The following FAM135A variants were observed in gnomAD, a reference collection of about 807,000 sequenced individuals.
FAM135A encodes the protein protein FAM135A.
Under a neutral mutation model 146.8 loss-of-function variants are expected in FAM135A, and 79 were observed. The observed-to-expected ratio is 0.54, with a 90% confidence interval of 0.45 to 0.65. The LOEUF (loss-of-function observed/expected upper bound fraction) is 0.65. Among genes scored for constraint, FAM135A ranks in the 30% least tolerant of loss-of-function variants. The pLI is 0.00. For synonymous variants in FAM135A, 562 were observed against 603.6 expected (o/e 0.93, Z 1.01); for missense variants, 1,623 against 1,758.2 (o/e 0.92, Z 1.38).
In FAM135A at chr6:70,525,729, GTGA is replaced by G; in HGVS notation, c.2650_2652del (p.Asp884del). 2 of 1,613,258 alleles carry G rather than the reference GTGA, an allele frequency of 1.2e-6. No homozygotes were observed. Among genetic ancestry groups the G allele is most frequent in the Non-Finnish European group, 1.7e-6 (2 of 1,179,620 alleles). ...CTAGGAACGACTGATTTGCCAAAATGTGATGATACTAAAAAGTCAAGTATCACT... is the reference window on the plus strand; with the variant it reads ...CTAGGAACGACTGATTTGCCAAAATGTGATACTAAAAAGTCAAGTATCACT... On this transcript the variant is annotated inframe_deletion, in exon 15 of 22. Coordinates refer to ENST00000418814, the MANE Select transcript of FAM135A (RefSeq NM_001162529.3).
intron 17 of FAM135A, 145 bp downstream of exon 17, chr6:70,533,396 A>AAT (rs1161218576): frequency 1.6e-6 from 1 of 607,198 alleles, no homozygotes; most frequent in Admixed American, 3.3e-5. Context: ...ATCCAAAGGA[A>AAT]ATATATATGA....
chr6:70,521,570 C>T (rs959647513), intron 12 of FAM135A, among the ~76,000 whole-genome samples: 4 of 152,042 alleles, frequency 2.6e-5, no homozygotes, highest in African/African-American at 4.8e-5. Flanking sequence ...TTCACCTGGC[C>T]GGATATTGAT....
chr6:70,553,558 T>C (rs895484702), intron 20 of FAM135A, among the ~76,000 whole-genome samples: 3 of 152,154 alleles, frequency 2.0e-5, no homozygotes, highest in Admixed American at 6.5e-5. Context: ...CTTTCTAATA[T>C]AAAAATTTAA....
At position 70,489,431 on chromosome 6, in the gene FAM135A, G is replaced by A. The variant is rs2128212253; in HGVS notation, c.824-1603G>A. Among the ~76,000 whole-genome samples the A allele has an allele frequency of 1.3e-5, 2 of 152,256 alleles. 1 individual carries two copies. The highest frequency in any genetic ancestry group is 4.1e-4 in the South Asian group (2 of 4,820). The stretch of plus-strand genomic sequence containing the variant: ...ATATTTTGTGAGTTATGAAATACAT[G>A]TGTTCCATTGATTTTTAGTTAACAA... On this transcript the variant is annotated intron_variant, in intron 10 of 21. Coordinates refer to ENST00000418814, the MANE Select transcript of FAM135A (RefSeq NM_001162529.3).
intron 12 of FAM135A, among the ~76,000 whole-genome samples, chr6:70,512,033 C>T (rs1791106728): frequency 6.6e-6 from 1 of 151,954 alleles, no homozygotes; most frequent in Non-Finnish European, 1.5e-5. Context: ...ACTGAATTAT[C>T]ATTATAACAT....
intron 2 of FAM135A, among the ~76,000 whole-genome samples, chr6:70,418,218 A>G (rs914439858): frequency 1.3e-5 from 2 of 152,216 alleles, no homozygotes; most frequent in Admixed American, 6.5e-5. Flanking sequence ...TGTTTGTGAT[A>G]AAAGTTGTAT....
intron 11 of FAM135A, among the ~76,000 whole-genome samples, chr6:70,499,370 T>A (rs1017992106): frequency 1.9e-4 from 29 of 152,228 alleles, no homozygotes; most frequent in African/African-American, 6.8e-4. Context: ...TGAGCCTATA[T>A]GTGTCTTTGC....
chr6:70,457,658 T>C lies in FAM135A; in HGVS notation c.157+5087T>C, dbSNP rs963027575. On this transcript the variant is annotated intron_variant, in intron 5 of 21. Coordinates refer to ENST00000418814, the MANE Select transcript of FAM135A (RefSeq NM_001162529.3). ...ACAACCCTATTTGAACCAAGTTCCT[T>C]GATCACTATTCTTCATCAACTAAAT... 3.3e-5 allele frequency among the ~76,000 whole-genome samples: 5 copies of C among 152,220 alleles called. No homozygotes were observed. The East Asian group carries it at 9.6e-4, about 29-fold the overall frequency.
intron 8 of FAM135A, among the ~76,000 whole-genome samples, chr6:70,480,150 G>T (rs937099246): frequency 6.6e-6 from 1 of 152,098 alleles, no homozygotes; most frequent in African/African-American, 2.4e-5. Context: ...CAGTTTAACA[G>T]AAATATGCTT....
At chr6:70,536,608 A>G (rs1582826556) in intron 19 of FAM135A, among the ~76,000 whole-genome samples, 197 bp downstream of exon 19, 2 of 152,280 alleles carry the variant, frequency 1.3e-5, no homozygotes, top group South Asian at 4.1e-4. Context: ...GGCTTTTCTT[A>G]TATTGAGATG....
At chr6:70,443,003 C>T (rs533634802) in intron 4 of FAM135A, among the ~76,000 whole-genome samples, 3 of 152,342 alleles carry the variant, frequency 2.0e-5, no homozygotes, top group African/African-American at 7.2e-5. Context: ...ATTAATACTA[C>T]AATCTGCATA....
Position 70,491,043 on chromosome 6 carries a change from A to T in FAM135A, c.833A>T (p.Asp278Val). The change falls in exon 11 of 22, where the codon GAT (aspartate) becomes GTT (valine). Residue 278 changes from aspartate to valine, a missense_variant. Asp to Val is a radical substitution (Grantham distance 152). Around this residue, in one of 7 missense-constraint regions of FAM135A, gnomAD observed 206 missense variants for 194.7 expected, o/e 1.06. Coordinates refer to ENST00000418814, the MANE Select transcript of FAM135A (RefSeq NM_001162529.3). ...SCQKLELEEMDVEARLTELCE... is the reference protein window; with the variant it reads ...SCQKLELEEMVVEARLTELCE... ...TCTTTACTCCTTCCAGAGGAAATGG[A>T]TGTAGAAGCTCGACTTACTGAACTA... is the stretch of plus-strand genomic sequence containing the variant. 6.2e-7 allele frequency: 1 copy of T among 1,600,508 alleles called. No individual in the cohort carries two copies. The highest frequency in any genetic ancestry group is 8.5e-7 in the Non-Finnish European group (1 of 1,174,472).
chr6:70,506,408 A>G (rs571990237), intron 12 of FAM135A, among the ~76,000 whole-genome samples: 1 of 152,148 alleles, frequency 6.6e-6, no homozygotes, highest in Non-Finnish European at 1.5e-5. Flanking sequence ...GGACTTTGGG[A>G]GCCACACATC....
At chr6:70,455,594 A>G (rs946167722) in intron 5 of FAM135A, among the ~76,000 whole-genome samples, 3 of 152,158 alleles carry the variant, frequency 2.0e-5, no homozygotes, top group Admixed American at 6.5e-5. Context: ...ACAAGGTGAC[A>G]TGACATGACA....
chr6:70,551,621 T>C (rs959283779), intron 20 of FAM135A, among the ~76,000 whole-genome samples: 5 of 152,016 alleles, frequency 3.3e-5, no homozygotes, highest in Non-Finnish European at 7.4e-5. Flanking sequence ...AAAATAAAAA[T>C]AATTAATGTG....
At chr6:70,537,099 C>T (rs1796931124) in intron 19 of FAM135A, among the ~76,000 whole-genome samples, 1 of 152,016 alleles carries the variant, frequency 6.6e-6, no homozygotes, top group Non-Finnish European at 1.5e-5. Context: ...CCATACCCAG[C>T]TAATTTTTGT....
At chr6:70,531,698 T>C (rs1393227387) in intron 16 of FAM135A, among the ~76,000 whole-genome samples, 1 of 152,166 alleles carries the variant, frequency 6.6e-6, no homozygotes, top group East Asian at 1.9e-4. Flanking sequence ...ACATTGTTTT[T>C]TCCCTTCTTT....
intron 2 of FAM135A, among the ~76,000 whole-genome samples, chr6:70,423,674 T>C (rs1043294659): frequency 6.6e-6 from 1 of 152,102 alleles, no homozygotes; most frequent in African/African-American, 2.4e-5. Context: ...TCAAGGGAGG[T>C]TGGGAAATAT....
At chr6:70,427,134 A>G (rs1770340918) in intron 3 of FAM135A, among the ~76,000 whole-genome samples, 1 of 152,204 alleles carries the variant, frequency 6.6e-6, no homozygotes, top group Non-Finnish European at 1.5e-5. Context: ...ACTGTTGATA[A>G]GGATGATTGT....
Sources: allele counts gnomAD v4.1 joint callset (sites outside exome capture counted in the v4.1 genomes callset), GRCh38; gene constraint gnomAD v4.1.1; regional missense constraint gnomAD v4.1.1; transcripts MANE v1.5; gene names NCBI Gene and HGNC (gene_info 2026-07-23, HGNC 2026-07-21).